Variants in EBF3 observed in about 807,000 individuals in gnomAD.
EBF3 encodes EBF transcription factor 3.
Under a neutral mutation model 77.1 loss-of-function variants are expected in EBF3, and 18 were observed. The observed-to-expected ratio is 0.23, with a 90% CI of 0.16 to 0.35. EBF3 has a LOEUF of 0.35. Ranked by LOEUF, EBF3 falls within the 10% of genes least tolerant of loss-of-function variation. The pLI, the probability that EBF3 is intolerant of heterozygous loss-of-function variation, is 1.00. For synonymous variants in EBF3, 350 were observed against 343.5 expected (o/e 1.02, Z -0.21); for missense variants, 558 against 860.0 (o/e 0.65, Z 4.39).
intron 6 of EBF3, among the ~76,000 whole-genome samples, chr10:129,927,605 A>G (rs1168857867): frequency 6.6e-6 from 1 of 152,110 alleles, no homozygotes; most frequent in African/African-American, 2.4e-5. Context: ...CATGCCTCCT[A>G]TGCTGACATC....
chr10:129,881,098 C>G (rs1191724804), intron 6 of EBF3, among the ~76,000 whole-genome samples: 4 of 152,178 alleles, frequency 2.6e-5, no homozygotes, highest in Non-Finnish European at 2.9e-5. Context: ...CTTCTAGAGT[C>G]TGGTACACAA....
intron 7 of EBF3, among the ~76,000 whole-genome samples, chr10:129,876,885 A>ACCCCCCCCCCCCCCCCCCCCCCC (rs10573399): frequency 2.4e-4 from 10 of 42,396 alleles, no homozygotes; most frequent in Admixed American, 3.9e-4. Context: ...TCATCCCTGA[A>ACCCCCCCCCCCCCCCCCCCCCCC]CCCCCCCCCC....
chr10:129,938,382 A>T lies in EBF3; in HGVS notation c.554+18876T>A, dbSNP rs1857504504. Among the ~76,000 whole-genome samples the T allele has an allele frequency of 6.7e-6, 1 of 150,200 alleles. No homozygotes were observed. On this transcript the variant is annotated intron_variant, in intron 6 of 16. Transcript: ENST00000440978. The surrounding 1 kb of genome is among the most constrained non-coding windows in gnomAD (Gnocchi z 5.1). ...TGGCAAAACCCCATCTCTATTTAAA[A>T]AAAAAAAAAAAAAAGACAAAAATTA...
At chr10:129,882,020 G>A (rs1286958466) in intron 6 of EBF3, among the ~76,000 whole-genome samples, 1 of 152,202 alleles carries the variant, frequency 6.6e-6, no homozygotes, top group Non-Finnish European at 1.5e-5. Flanking sequence ...CAAATAATGG[G>A]ATCAACCGTT....
At chr10:129,862,971 T>TA (rs1287477935) in intron 10 of EBF3, among the ~76,000 whole-genome samples, 1 of 152,230 alleles carries the variant, frequency 6.6e-6, no homozygotes, top group Non-Finnish European at 1.5e-5. Flanking sequence ...GGCACACTGT[T>TA]AGACAAATAT....
At chr10:129,877,371 C>T (rs1428740205) in intron 7 of EBF3, among the ~76,000 whole-genome samples, 1 of 151,200 alleles carries the variant, frequency 6.6e-6, no homozygotes, top group Non-Finnish European at 1.5e-5. Flanking sequence ...ATCCCAGCTA[C>T]TCAGGAGGCT....
chr10:129,862,890 A>G (rs143537752), intron 10 of EBF3, among the ~76,000 whole-genome samples: 16 of 152,296 alleles, frequency 1.1e-4, no homozygotes, highest in Admixed American at 9.8e-4. Context: ...AAACTGCCCA[A>G]TTTGTGTATA....
At chr10:129,852,478 G>A (rs1445740452) in intron 10 of EBF3, among the ~76,000 whole-genome samples, 8 of 152,280 alleles carry the variant, frequency 5.3e-5, no homozygotes, top group East Asian at 1.9e-4. Flanking sequence ...ACGTACCGGC[G>A]GGCAGGAGGC....
At chr10:129,887,233 G>T (rs1472241207) in intron 6 of EBF3, among the ~76,000 whole-genome samples, 1 of 152,156 alleles carries the variant, frequency 6.6e-6, no homozygotes, top group Non-Finnish European at 1.5e-5. Context: ...TTCATTTTCT[G>T]TTTTTGTGAC....
intron 6 of EBF3, among the ~76,000 whole-genome samples, chr10:129,940,878 C>T (rs759418229): frequency 2.6e-5 from 4 of 152,180 alleles, no homozygotes; most frequent in Non-Finnish European, 4.4e-5. Flanking sequence ...ACACTCGATC[C>T]TCCCATGTTG....
In EBF3 at chr10:129,879,751, C is replaced by T. The variant is rs539182631; in HGVS notation, c.555-1902G>A. On this transcript the variant is annotated intron_variant, in intron 6 of 16. Transcript: ENST00000440978. The surrounding 1 kb of genome is among the most constrained non-coding windows in gnomAD (Gnocchi z 4.7). The stretch of plus-strand genomic sequence containing the variant: ...AACCACTGTGCAATTAAACTCCACA[C>T]GTTCCGCAGCGAGGTAAATGAGGCG... Among the ~76,000 whole-genome samples the T allele has an allele frequency of 7.5e-4, 114 of 152,338 alleles. 1 individual carries two copies. The highest frequency in any genetic ancestry group is 2.5e-3 in the African/African-American group (103 of 41,582).
At chr10:129,921,955 T>C (rs1295544141) in intron 6 of EBF3, among the ~76,000 whole-genome samples, 1 of 152,166 alleles carries the variant, frequency 6.6e-6, no homozygotes, top group Non-Finnish European at 1.5e-5. Context: ...TCACATGCCA[T>C]TGACCCGCTG....
intron 6 of EBF3, among the ~76,000 whole-genome samples, chr10:129,920,028 C>T (rs1171795): frequency 4.1e-5 from 4 of 98,498 alleles, no homozygotes; most frequent in African/African-American, 1.6e-4. Context: ...GGTCTAGGGC[C>T]AGTATCTCCA....
At position 129,837,797 on chromosome 10, in the gene EBF3, CTT is replaced by C. The variant is rs1849701870; in HGVS notation, c.*144_*145del. The C allele has an allele frequency of 3.8e-6, 4 of 1,048,444 alleles. No individual in the cohort carries two copies. The highest frequency in any genetic ancestry group is 1.6e-5 in the African/African-American group (1 of 62,698). The allele number at this position is 1,048,444 out of a possible 1,614,324, so 64.9% of individuals were successfully genotyped here. On this transcript the variant is annotated 3_prime_UTR_variant, in exon 17 of 17. Coordinates refer to ENST00000440978, the MANE Select transcript of EBF3 (RefSeq NM_001375380.1). ...TTTAAATAAAATCTTTAAACAAAGT[CTT>C]TTGTAGCATTTCAATTGCTGCTGAT... is the stretch of plus-strand genomic sequence containing the variant.
Position 129,873,609 on chromosome 10 carries a change from A to G in EBF3, c.637-13T>C. ...TCGATACAACAACCTGCAAAGATGA[A>G]GTGGATTTGAAAATGGAATTGGCAA... On this transcript the variant is annotated splice_polypyrimidine_tract_variant and intron_variant, in intron 7 of 16. Coordinates refer to ENST00000440978, the MANE Select transcript of EBF3 (RefSeq NM_001375380.1). The G allele has an allele frequency of 1.3e-6, 2 of 1,517,262 alleles. No homozygotes were observed. The highest frequency in any genetic ancestry group is 8.9e-7 in the Non-Finnish European group (1 of 1,129,736). 94.0% of individuals were successfully genotyped at this position (1,517,262 alleles called of 1,614,324 possible).
chr10:129,923,392 C>A (rs1283706348), intron 6 of EBF3, among the ~76,000 whole-genome samples: 1 of 152,202 alleles, frequency 6.6e-6, no homozygotes, highest in Non-Finnish European at 1.5e-5. Context: ...TCAAACCTTA[C>A]TACAAAGCTA....
At position 129,919,293 on chromosome 10, in the gene EBF3, C is replaced by T. The variant is rs558576872; in HGVS notation, c.554+37965G>A. ...GGTTCCAGATTCTGACAAGCAGATA[C>T]GGAGGGAAGGCTGTCCAGGTGGAGG... On this transcript the variant is annotated intron_variant, in intron 6 of 16. Coordinates refer to ENST00000440978, the MANE Select transcript of EBF3 (RefSeq NM_001375380.1). Among the ~76,000 whole-genome samples, 29 of 152,084 alleles carry T rather than the reference C, an allele frequency of 1.9e-4. No individual in the cohort carries two copies. In the East Asian group the frequency reaches 2.5e-3, roughly 13 times the overall value.
Position 129,939,676 on chromosome 10 carries a change from G to A in EBF3, c.554+17582C>T, listed in dbSNP as rs549770958. ...TCTGCTCCTCTGCTATGCAGACTTC[G>A]TCAGACTGGACACTCTTCCCATGCT... On this transcript the variant is annotated intron_variant, in intron 6 of 16. Coordinates refer to ENST00000440978, the MANE Select transcript of EBF3 (RefSeq NM_001375380.1). Among the ~76,000 whole-genome samples, 98 of 152,236 alleles carry A rather than the reference G, an allele frequency of 6.4e-4. 2 individuals carry two copies. In the South Asian group the frequency reaches 0.012, roughly 18 times the overall value.
chr10:129,838,023 G>T, intron 16 of EBF3, 63 bp from the exon 17 acceptor site: 1 of 1,589,952 alleles, frequency 6.3e-7, no homozygotes, highest in Non-Finnish European at 8.6e-7. Flanking sequence ...CGCCAACGCT[G>T]ACGCGGGCGG....
Sources: allele counts gnomAD v4.1 joint callset (sites outside exome capture counted in the v4.1 genomes callset), GRCh38; gene constraint gnomAD v4.1.1; non-coding constraint Gnocchi (gnomAD v3.1); transcripts MANE v1.5; gene names NCBI Gene and HGNC (gene_info 2026-07-23, HGNC 2026-07-21).